DCC: variants seen among roughly 807,000 people sequenced by gnomAD.
The protein encoded by DCC is DCC netrin 1 receptor.
DCC carries 58 observed loss-of-function variants against 172.5 expected under a neutral mutation model. That is an observed-to-expected ratio of 0.34 (90% CI 0.27 to 0.42). The LOEUF (loss-of-function observed/expected upper bound fraction) is 0.42. Among genes scored for constraint, DCC ranks in the 10% least tolerant of loss-of-function variants. DCC has a pLI of 1.00. For missense variants in DCC, 1,740 were observed against 1,791.0 expected (o/e 0.97, Z 0.51); for synonymous variants, 709 against 644.5 (o/e 1.10, Z -1.52).
At chr18:53,057,342 T>A (rs539856640) in intron 5 of DCC, among the ~76,000 whole-genome samples, 79 of 152,244 alleles carry the variant, frequency 5.2e-4, no homozygotes, top group East Asian at 3.5e-3. Flanking sequence ...TGTACAACTC[T>A]TAACAATTGC....
rs925711337 is a variant in DCC at position 53,063,436 on chromosome 18, C to G, written c.1117C>G (p.Pro373Ala). 1 of 1,610,436 alleles carries G rather than the reference C, an allele frequency of 6.2e-7. No individual in the cohort carries two copies. Among genetic ancestry groups the G allele is most frequent in the Admixed American group, 1.7e-5 (1 of 59,896 alleles). Residue 373 changes from proline (P) to alanine (A), a missense_variant, in exon 6 of 29, where the codon CCT (proline) becomes GCT (alanine). Pro to Ala is a conservative substitution (Grantham distance 27, BLOSUM62 -1). This residue lies in a region of DCC where 1,732 missense variants were observed against 1,767.4 expected (regional missense o/e 0.98). Transcript: ENST00000442544. ...NWMKNGDVVI[P>A]SDYFQIVGGS... ...GATGAAGAATGGAGATGTGGTCATTCCTAGTGATTATTTTCAGATAGTGGT... is the reference window on the plus strand; with the variant it reads ...GATGAAGAATGGAGATGTGGTCATTGCTAGTGATTATTTTCAGATAGTGGT...
intron 1 of DCC, among the ~76,000 whole-genome samples, chr18:52,730,945 C>T (rs940264048): frequency 6.6e-6 from 1 of 152,166 alleles, no homozygotes; most frequent in Non-Finnish European, 1.5e-5. Flanking sequence ...TGCAAACAAA[C>T]CGCTAGACTG....
intron 2 of DCC, among the ~76,000 whole-genome samples, chr18:52,767,502 A>G (rs1020211891): frequency 1.3e-5 from 2 of 152,198 alleles, no homozygotes; most frequent in Admixed American, 6.5e-5. Flanking sequence ...GCTTATTATG[A>G]CTTGAATTAA....
At chr18:52,890,119 T>C (rs1041853302) in intron 2 of DCC, among the ~76,000 whole-genome samples, 1 of 151,916 alleles carries the variant, frequency 6.6e-6, no homozygotes, top group African/African-American at 2.4e-5. Context: ...ACAAAGAAAA[T>C]AGAAAAATAG....
chr18:52,988,995 T>C (rs973368544), intron 5 of DCC, among the ~76,000 whole-genome samples: 2 of 151,408 alleles, frequency 1.3e-5, no homozygotes, highest in Non-Finnish European at 2.9e-5. Context: ...GAAAATAGAT[T>C]TTTTTTTCAA....
chr18:52,922,894 A>G (rs1161907398), intron 3 of DCC, among the ~76,000 whole-genome samples: 1 of 152,172 alleles, frequency 6.6e-6, no homozygotes, highest in Admixed American at 6.6e-5. Context: ...TCCACCTGAT[A>G]TAATCTTAGC....
Position 53,456,065 on chromosome 18 carries a change from A to G in DCC, c.3393-3167A>G, listed in dbSNP as rs117543643. Among the ~76,000 whole-genome samples, 445 of 152,350 alleles carry G rather than the reference A, an allele frequency of 2.9e-3. 1 individual carries two copies. The highest frequency in any genetic ancestry group is 0.014 in the Middle Eastern group (4 of 294). ...ACAAAGGGAGCAGCTGGACAGCTCAATAAGACACACGGTGATCAATGCCAA... is the reference window on the plus strand; with the variant it reads ...ACAAAGGGAGCAGCTGGACAGCTCAGTAAGACACACGGTGATCAATGCCAA... On this transcript the variant is annotated intron_variant, in intron 23 of 28. Transcript: ENST00000442544.
At chr18:52,819,458 T>C (rs1413436491) in intron 2 of DCC, among the ~76,000 whole-genome samples, 1 of 152,208 alleles carries the variant, frequency 6.6e-6, no homozygotes, top group Non-Finnish European at 1.5e-5. Context: ...CTGGTTATTT[T>C]AAGTTTATTA....
intron 1 of DCC, among the ~76,000 whole-genome samples, chr18:52,540,597 C>CTT (rs71175505): frequency 0.37 from 24,490 of 66,842 alleles, 10,308 homozygotes; most frequent in Non-Finnish European, 0.46. Context: ...ATTCAACTGC[C>CTT]TTTTTTTTTT....
intron 8 of DCC, among the ~76,000 whole-genome samples, chr18:53,169,174 A>C (rs2054972579): frequency 6.6e-6 from 1 of 152,216 alleles, no homozygotes; most frequent in South Asian, 2.1e-4. Context: ...TCAGTGCTTA[A>C]GAGTTACAGG....
chr18:52,534,273 T>C (rs1291515436), intron 1 of DCC, among the ~76,000 whole-genome samples: 1 of 152,112 alleles, frequency 6.6e-6, no homozygotes, highest in East Asian at 1.9e-4. Context: ...ATCCAAGACT[T>C]GATGGGTAAA....
chr18:53,376,276 C>T (rs971517119), intron 15 of DCC, among the ~76,000 whole-genome samples: 3 of 151,768 alleles, frequency 2.0e-5, no homozygotes, highest in South Asian at 2.1e-4. Context: ...CCCAGCTACT[C>T]GGGAGACTGA....
chr18:53,273,084 G>C (rs577437979), intron 12 of DCC, among the ~76,000 whole-genome samples: 1 of 152,214 alleles, frequency 6.6e-6, no homozygotes, highest in East Asian at 1.9e-4. Context: ...GATTATTCCT[G>C]CATTTTCAAG....
At chr18:53,439,824 G>A (rs1912158489) in intron 22 of DCC, among the ~76,000 whole-genome samples, 1 of 145,604 alleles carries the variant, frequency 6.9e-6, no homozygotes, top group Non-Finnish European at 1.5e-5. Flanking sequence ...GAGTGCAGTG[G>A]CGGGATCTCG....
intron 1 of DCC, among the ~76,000 whole-genome samples, chr18:52,413,884 T>C (rs1986925514): frequency 6.6e-6 from 1 of 152,192 alleles, no homozygotes; most frequent in Non-Finnish European, 1.5e-5. Context: ...TGGGTACTTA[T>C]GCATATGCAT....
chr18:53,264,494 A>AAAAAG (rs2056647462), intron 12 of DCC, among the ~76,000 whole-genome samples: 3 of 151,244 alleles, frequency 2.0e-5, no homozygotes, highest in Admixed American at 6.6e-5. Flanking sequence ...AAAAAAAAAA[A>AAAAAG]AAGAAGAAGA....
chr18:53,515,075 G>T (rs1409069526), intron 27 of DCC, among the ~76,000 whole-genome samples: 2 of 151,968 alleles, frequency 1.3e-5, no homozygotes, highest in African/African-American at 4.8e-5. Context: ...CACGAATCCA[G>T]CAGCACATCA....
chr18:52,963,537 G>C (rs2040880169), intron 5 of DCC, among the ~76,000 whole-genome samples: 1 of 152,126 alleles, frequency 6.6e-6, no homozygotes. Context: ...AAGTGGTCAG[G>C]TCTGGGGCAC....
chr18:53,115,925 C>A (rs2043402327), intron 7 of DCC, among the ~76,000 whole-genome samples: 1 of 151,356 alleles, frequency 6.6e-6, no homozygotes, highest in South Asian at 2.1e-4. Context: ...AGAATATATG[C>A]AATGGACCAG....
Sources: gnomAD v4.1 joint callset for allele counts (sites outside exome capture counted in the v4.1 genomes callset) on GRCh38, gnomAD v4.1.1 for gene constraint, gnomAD v4.1.1 regional missense constraint, MANE v1.5 for transcripts, NCBI Gene and HGNC (gene_info 2026-07-23, HGNC 2026-07-21) for gene names.